Variants in FBXL18 observed in about 807,000 individuals in gnomAD.
FBXL18 encodes the protein F-box/LRR-repeat protein 18.
A neutral mutation model predicts 46.0 loss-of-function variants in FBXL18; 36 were observed. The ratio of observed to expected loss-of-function variants is 0.78; its 90% CI spans 0.60 to 1.03. The LOEUF (loss-of-function observed/expected upper bound fraction) is 1.03. FBXL18 is among the 50% of genes least tolerant of loss of function. The pLI, the probability that FBXL18 is intolerant of heterozygous loss-of-function variation, is 0.00. For missense variants in FBXL18, 977 were observed against 1,004.1 expected, an observed-to-expected ratio of 0.97 and a Z score of 0.36; for synonymous variants, 557 against 465.3, an observed-to-expected ratio of 1.20 and a Z score of -2.54.
chr7:5,485,748 A>G (rs1370279767), intron 4 of FBXL18, among the ~76,000 whole-genome samples: 2 of 152,118 alleles, frequency 1.3e-5, no homozygotes, highest in Non-Finnish European at 2.9e-5. Context: ...TCTCTACTAA[A>G]AATTCAAAAT....
At chr7:5,491,935 G>A (rs188550408) in intron 3 of FBXL18, among the ~76,000 whole-genome samples, 1 of 152,070 alleles carries the variant, frequency 6.6e-6, no homozygotes, top group South Asian at 2.1e-4. Context: ...GTGTGGGGGA[G>A]GGAGAGGGCG....
chr7:5,495,408 C>T (rs761635436), intron 3 of FBXL18, among the ~76,000 whole-genome samples: 47 of 152,200 alleles, frequency 3.1e-4, no homozygotes, highest in African/African-American at 3.9e-4. Flanking sequence ...CAGGGTGACA[C>T]GCTCCCCCGC....
At chr7:5,457,043 C>T (rs1266837591) in intron 4 of FBXL18, among the ~76,000 whole-genome samples, 6 of 152,238 alleles carry the variant, frequency 3.9e-5, no homozygotes, top group Non-Finnish European at 7.3e-5. Flanking sequence ...GGATTACAGA[C>T]GTGAGCCACT....
At chr7:5,482,300 T>C (rs1783668224) in intron 4 of FBXL18, among the ~76,000 whole-genome samples, 1 of 152,108 alleles carries the variant, frequency 6.6e-6, no homozygotes, top group African/African-American at 2.4e-5. Context: ...CCGAGGCCCC[T>C]GGCCCACGGA....
At chr7:5,474,912 G>C (rs1394443123), downstream of FBXL18, among the ~76,000 whole-genome samples, 2 of 148,264 alleles carry the variant, frequency 1.3e-5, no homozygotes, top group Non-Finnish European at 3.0e-5. Context: ...GTTTCACCGT[G>C]TTCGCCAGGG....
chr7:5,456,231 C>T (rs1783171393), intron 4 of FBXL18, among the ~76,000 whole-genome samples: 1 of 152,224 alleles, frequency 6.6e-6, no homozygotes, highest in African/African-American at 2.4e-5. Flanking sequence ...AGGCCCATGG[C>T]ATCTGCTCTC....
At position 5,508,440 on chromosome 7, in the gene FBXL18, T is replaced by TA. The variant is rs11396812; in HGVS notation, c.19-2811dup. Among the ~76,000 whole-genome samples, 180 of 132,716 alleles carry TA rather than the reference T, an allele frequency of 1.4e-3. 1 individual carries two copies. Among genetic ancestry groups the TA allele is most frequent in the East Asian group, 4.5e-3 (20 of 4,446 alleles). 87.1% of individuals were successfully genotyped at this position (132,716 alleles called of 152,430 possible). ...CTGGGCAACAGAGCGAGACTTTGTC[T>TA]AAAAAAAAAAAAAAAAAAATTAGTG... On this transcript the variant is annotated intron_variant, in intron 1 of 4. Coordinates refer to ENST00000382368, the MANE Select transcript of FBXL18 (RefSeq NM_024963.6).
Position 5,481,583 on chromosome 7 carries a change from C to T in FBXL18, c.*192G>A, listed in dbSNP as rs561230642. On this transcript the variant is annotated 3_prime_UTR_variant, in exon 5 of 5. Transcript: ENST00000382368. ...TCATGTCACCCAGAACGCATCCCCTCGACCTAAACTTCACAGAGCAACAGT... is the reference window on the plus strand; with the variant it reads ...TCATGTCACCCAGAACGCATCCCCTTGACCTAAACTTCACAGAGCAACAGT... The T allele has an allele frequency of 1.8e-4, 110 of 619,948 alleles. No individual in the cohort carries two copies. In the African/African-American group the frequency reaches 1.9e-3, roughly 11 times the overall value. The allele number at this position is 619,948 out of a possible 1,614,324, so 38.4% of individuals were successfully genotyped here.
chr7:5,500,750 G>A lies in FBXL18; in HGVS notation c.1519C>T (p.Arg507Cys), dbSNP rs754102332. ...SAMPRNEPAIRNSLPPCSRAQ... is the reference protein window; with the variant it reads ...SAMPRNEPAICNSLPPCSRAQ... ...CGGCTGCAGGGTGGGAGCGAGTTGCGGATGGCGGGCTCGTTGCGGGGCATG... is the reference window on the plus strand; with the variant it reads ...CGGCTGCAGGGTGGGAGCGAGTTGCAGATGGCGGGCTCGTTGCGGGGCATG... The change falls in exon 3 of 5, where the codon CGC becomes TGC. Residue 507 changes from arginine (R) to cysteine (C), a missense_variant. Transcript: ENST00000382368. 10 of 1,612,532 alleles carry A rather than the reference G, an allele frequency of 6.2e-6. No homozygotes were observed. Among genetic ancestry groups the A allele is most frequent in the Non-Finnish European group, 8.5e-6 (10 of 1,179,716 alleles).
rs566684888 is a variant in FBXL18, at chr7:5,487,767, C to T, written c.2000+3464G>A. ...ACACACGGGAGGCACACTGCGAACA[C>T]GGACGCCTCAACACCCGCATCCCAC... On this transcript the variant is annotated intron_variant, in intron 4 of 4. Coordinates refer to ENST00000382368, the MANE Select transcript of FBXL18 (RefSeq NM_024963.6). Among the ~76,000 whole-genome samples the T allele has an allele frequency of 3.9e-5, 6 of 152,282 alleles. No individual in the cohort carries two copies. In the South Asian group the frequency reaches 6.2e-4, roughly 16 times the overall value.
In FBXL18 at chr7:5,506,712, G is replaced by A. The variant is rs182423882; in HGVS notation, c.19-1082C>T. Among the ~76,000 whole-genome samples, 449 of 152,196 alleles carry A rather than the reference G, an allele frequency of 3.0e-3. 2 individuals carry two copies. Among genetic ancestry groups the A allele is most frequent in the African/African-American group, 0.01 (430 of 41,530 alleles). On this transcript the variant is annotated intron_variant, in intron 1 of 4. Coordinates refer to ENST00000382368, the MANE Select transcript of FBXL18 (RefSeq NM_024963.6). ...CCTGGGATTAAAGGCATGTGCCACC[G>A]TGCCCAGCTAATTTTTGTGTTTTTA...
chr7:5,513,718 G>T lies in FBXL18; in HGVS notation c.-44C>A, dbSNP rs773862494. On this transcript the variant is annotated 5_prime_UTR_variant, in exon 1 of 5. Transcript: ENST00000382368. ...CCGCGGCCGCGGGATCCGCAACCCCGTGCCTCCCACCTGCCCGGCTAGGGA... is the reference window on the plus strand; with the variant it reads ...CCGCGGCCGCGGGATCCGCAACCCCTTGCCTCCCACCTGCCCGGCTAGGGA... 4 of 1,589,478 alleles carry T rather than the reference G, an allele frequency of 2.5e-6. No homozygotes were observed. The highest frequency in any genetic ancestry group is 1.8e-5 in the Admixed American group (1 of 56,602).
chr7:5,512,763 G>T (rs6968134), intron 1 of FBXL18, among the ~76,000 whole-genome samples: 2,931 of 152,136 alleles, frequency 0.019, 109 homozygotes, highest in African/African-American at 0.068. Context: ...GCCACACACC[G>T]TTCCTTGTCA....
At chr7:5,459,273 C>A (rs1328097651) in intron 4 of FBXL18, among the ~76,000 whole-genome samples, 2 of 152,176 alleles carry the variant, frequency 1.3e-5, no homozygotes, top group Admixed American at 1.3e-4. Context: ...AGGGCCCTGG[C>A]CTTGGCTCAG....
downstream of FBXL18, among the ~76,000 whole-genome samples, chr7:5,474,909 C>G (rs1441339292): frequency 6.7e-6 from 1 of 149,502 alleles, no homozygotes; most frequent in Non-Finnish European, 1.5e-5. Flanking sequence ...GGGGTTTCAC[C>G]GTGTTCGCCA....
At chr7:5,502,146 C>T in intron 2 of FBXL18, 115 bp from the exon 3 acceptor site, 1 of 730,406 alleles carries the variant, frequency 1.4e-6, no homozygotes, top group Non-Finnish European at 2.2e-6. Context: ...GGGAGGGAAG[C>T]TCCCCACCTC....
intron 1 of FBXL18, among the ~76,000 whole-genome samples, chr7:5,512,240 G>A (rs1400289358): frequency 1.5e-5 from 2 of 131,396 alleles, no homozygotes; most frequent in African/African-American, 5.6e-5. Context: ...GCGAGACTCC[G>A]TCTCAAAAAA....
At chr7:5,470,379 C>A (rs1352181636) in intron 4 of FBXL18, among the ~76,000 whole-genome samples, 1 of 152,110 alleles carries the variant, frequency 6.6e-6, no homozygotes, top group African/African-American at 2.4e-5. Context: ...GGGTACCCAG[C>A]GCAGGCCCGG....
rs1293995611 is a variant in FBXL18, at chr7:5,496,821, T to A, written c.1781+3667A>T. ...TGGGCGGATCACCTGAGGTCAGGAGTTCGAGACCAGCCTGGCCAACATGGT... is the reference window on the plus strand; with the variant it reads ...TGGGCGGATCACCTGAGGTCAGGAGATCGAGACCAGCCTGGCCAACATGGT... On this transcript the variant is annotated intron_variant, in intron 3 of 4. Transcript: ENST00000382368. This position sits in a 1 kb window ranked among gnomAD's most constrained non-coding sequence, Gnocchi z 4.8. Among the ~76,000 whole-genome samples the A allele has an allele frequency of 6.6e-6, 1 of 150,598 alleles. No individual in the cohort carries two copies. Among genetic ancestry groups the A allele is most frequent in the African/African-American group, 2.4e-5 (1 of 40,848 alleles).
Sources: gnomAD v4.1 joint callset for allele counts (sites outside exome capture counted in the v4.1 genomes callset) on GRCh38, gnomAD v4.1.1 for gene constraint, Gnocchi (gnomAD v3.1) non-coding constraint, MANE v1.5 for transcripts, NCBI Gene and HGNC (gene_info 2026-07-23, HGNC 2026-07-21) for gene names.